MEGF10: variants seen among roughly 807,000 people sequenced by gnomAD.
MEGF10 encodes the protein multiple EGF like domains 10.
A neutral mutation model predicts 147.5 loss-of-function variants in MEGF10; 86 were observed. The observed-to-expected ratio is 0.58, with a 90% CI of 0.49 to 0.70. The LOEUF is 0.70. Ranked by LOEUF, MEGF10 falls within the 30% of genes least tolerant of loss-of-function variation. The pLI is 0.00. For missense variants in MEGF10, 1,329 were observed against 1,487.3 expected (o/e 0.89, Z 1.75); for synonymous variants, 478 against 525.5 (o/e 0.91, Z 1.24).
chr5:127,434,562 G>T, intron 14 of MEGF10, 125 bp from the exon 15 acceptor site: 4 of 1,041,544 alleles, frequency 3.8e-6, no homozygotes, highest in South Asian at 2.2e-5. Flanking sequence ...AAAATTCTCC[G>T]TATCTTTTTT....
intron 6 of MEGF10, among the ~76,000 whole-genome samples, chr5:127,397,161 T>G (rs1326064205): frequency 6.6e-6 from 1 of 152,188 alleles, no homozygotes; most frequent in South Asian, 2.1e-4. Context: ...GTCCATGTCT[T>G]TTTGCTCTTT....
intron 4 of MEGF10, among the ~76,000 whole-genome samples, chr5:127,354,951 T>G (rs1762227642): frequency 1.3e-5 from 2 of 152,044 alleles, no homozygotes; most frequent in South Asian, 4.1e-4. Flanking sequence ...TGGGAAGAGC[T>G]GAACTGAAGA....
intron 10 of MEGF10, among the ~76,000 whole-genome samples, chr5:127,418,313 T>C (rs1366440126): frequency 6.6e-6 from 1 of 152,242 alleles, no homozygotes; most frequent in African/African-American, 2.4e-5. Context: ...GAATTTTGCT[T>C]ACAGTTTCTA....
intron 4 of MEGF10, among the ~76,000 whole-genome samples, chr5:127,352,604 T>C (rs1043669792): frequency 1.3e-5 from 2 of 152,032 alleles, no homozygotes; most frequent in Non-Finnish European, 2.9e-5. Context: ...GAGGTTGCAG[T>C]GAGCCGGAGC....
At chr5:127,449,057 TG>T in intron 21 of MEGF10, 41 bp from the exon 22 acceptor site, 1 of 1,611,548 alleles carries the variant, frequency 6.2e-7, no homozygotes, top group Non-Finnish European at 8.5e-7. Flanking sequence ...TGTGCCGCAT[TG>T]TATTTTGTTT....
intron 24 of MEGF10, 116 bp downstream of exon 24, chr5:127,455,723 G>GTATTTTATTTTATTT (rs58939267): frequency 0.013 from 9,935 of 767,852 alleles, 329 homozygotes; most frequent in African/African-American, 0.095. Flanking sequence ...ATAATGGTCC[G>GTATTTTATTTTATTT]TATTTTATTT....
the MEGF10 span, among the ~76,000 whole-genome samples, chr5:127,271,711 C>T: frequency 6.6e-6 from 1 of 152,080 alleles, no homozygotes; most frequent in Non-Finnish European, 1.5e-5. Context: ...CTTTGCTTGG[C>T]ATTTCTCCTT....
At chr5:127,390,295 CT>C (rs769521777) in intron 5 of MEGF10, among the ~76,000 whole-genome samples, 175 of 145,782 alleles carry the variant, frequency 1.2e-3, no homozygotes, top group Middle Eastern at 3.6e-3. Flanking sequence ...CATGGGGCAT[CT>C]TTTTTTTTTT....
chr5:127,396,911 GCA>G, intron 6 of MEGF10, 133 bp downstream of exon 6: 3 of 1,334,928 alleles, frequency 2.2e-6, no homozygotes, highest in Non-Finnish European at 3.1e-6. Context: ...TAGGCTGCAG[GCA>G]CAGTTATAGA....
At chr5:127,288,069 C>T (rs930303009), upstream of MEGF10, among the ~76,000 whole-genome samples, 1 of 151,972 alleles carries the variant, frequency 6.6e-6, no homozygotes, top group African/African-American at 2.4e-5. Flanking sequence ...GAACCTCAGC[C>T]CTTACTTCAT....
rs775006586 is a variant in MEGF10 at position 127,410,583 on chromosome 5, A to C, written c.1112A>C (p.His371Pro). 62 of 1,608,716 alleles carry C rather than the reference A, an allele frequency of 3.9e-5. No individual in the cohort carries two copies. The Middle Eastern group carries it at 6.6e-4, about 17-fold the overall frequency. Residue 371 changes from histidine (H) to proline (P), a missense_variant, in exon 9 of 25, where the codon CAC becomes CCC. Around this residue, in one of 3 missense-constraint regions of MEGF10, gnomAD observed 980 missense variants for 1,085.9 expected, o/e 0.90. Coordinates refer to ENST00000503335, the MANE Select transcript of MEGF10 (RefSeq NM_001256545.2). ...AAATGTGACAAACGGTGTCCCTGCC[A>C]CCTGGAAAACACTCATAGGTGAGTG... ...GIKCDKRCPC[H>P]LENTHSCHPM...
chr5:127,441,151 A>G (rs1163229493), intron 18 of MEGF10, among the ~76,000 whole-genome samples: 2 of 152,010 alleles, frequency 1.3e-5, no homozygotes, highest in Non-Finnish European at 1.5e-5. Context: ...TCTCCTTCTT[A>G]TTTTTGGAAT....
Position 127,422,667 on chromosome 5 carries a change from C to T in MEGF10, c.1591-3C>T, listed in dbSNP as rs751863119. 1.2e-6 allele frequency: 2 copies of T among 1,613,222 alleles called. No homozygotes were observed. Among genetic ancestry groups the T allele is most frequent in the South Asian group, 1.1e-5 (1 of 91,052 alleles). ...GCTGCCTTTGATGCTGTTTTCCATG[C>T]AGGATGGCACGTACGGGCTGAACTG... On this transcript the variant is annotated splice_polypyrimidine_tract_variant and splice_region_variant and intron_variant, in intron 12 of 24. Coordinates refer to ENST00000503335, the MANE Select transcript of MEGF10 (RefSeq NM_001256545.2).
chr5:127,284,734 C>A, the MEGF10 span, among the ~76,000 whole-genome samples: 1 of 152,118 alleles, frequency 6.6e-6, no homozygotes, highest in South Asian at 2.1e-4. Flanking sequence ...TCTGCTGTAA[C>A]CCCCACTTCT....
At chr5:127,433,055 G>C (rs866848317) in intron 13 of MEGF10, among the ~76,000 whole-genome samples, 1 of 152,200 alleles carries the variant, frequency 6.6e-6, no homozygotes, top group African/African-American at 2.4e-5. Context: ...ATATCGTATT[G>C]TTGATAAATT....
intron 7 of MEGF10, among the ~76,000 whole-genome samples, chr5:127,399,004 G>T (rs1406990649): frequency 1.3e-5 from 2 of 152,174 alleles, no homozygotes; most frequent in African/African-American, 2.4e-5. Context: ...TAGACTTGAA[G>T]TGCATTGAAG....
At chr5:127,442,867 G>A in intron 18 of MEGF10, 131 bp from the exon 19 acceptor site, 1 of 888,064 alleles carries the variant, frequency 1.1e-6, no homozygotes, top group Non-Finnish European at 1.7e-6. Flanking sequence ...GGACACTCTT[G>A]GGGGTACAAG....
rs1457173499 is a variant in MEGF10, at chr5:127,438,508, G to A, written c.2174G>A (p.Ser725Asn). The change falls in exon 17 of 25, where the codon AGC becomes AAC. Residue 725 changes from serine (S) to asparagine (N), a missense_variant. Coordinates refer to ENST00000503335, the MANE Select transcript of MEGF10 (RefSeq NM_001256545.2). The stretch of plus-strand genomic sequence containing the variant: ...AACTGCCATAATGGAGCTTTCTGCA[G>A]CGCCTACGATGGGGAATGTAAATGC... The part of the protein sequence containing the change: ...TCNCHNGAFC[S>N]AYDGECKCTP... The A allele has an allele frequency of 1.3e-5, 21 of 1,614,026 alleles. No homozygotes were observed. Among genetic ancestry groups the A allele is most frequent in the African/African-American group, 2.7e-5 (2 of 74,914 alleles).
chr5:127,440,595 G>A lies in MEGF10; in HGVS notation c.2234-144G>A, dbSNP rs868169613. The A allele has an allele frequency of 5.0e-6, 4 of 796,518 alleles. No individual in the cohort carries two copies. In the South Asian group the frequency reaches 5.4e-5, roughly 11 times the overall value. The allele number at this position is 796,518 out of a possible 1,614,324, so 49.3% of individuals were successfully genotyped here. ...TTGGGACTTCAAAGAAGCTCTTGTG[G>A]CAAGCTCAGATATGTACTATTCACT... On this transcript the variant is annotated intron_variant, in intron 17 of 24. Coordinates refer to ENST00000503335, the MANE Select transcript of MEGF10 (RefSeq NM_001256545.2).
Sources: gnomAD v4.1 joint callset for allele counts (sites outside exome capture counted in the v4.1 genomes callset) on GRCh38, gnomAD v4.1.1 for gene constraint, gnomAD v4.1.1 regional missense constraint, MANE v1.5 for transcripts, NCBI Gene and HGNC (gene_info 2026-07-23, HGNC 2026-07-21) for gene names.